PTAFR: variants seen among roughly 807,000 people sequenced by gnomAD.
The protein encoded by PTAFR is platelet activating factor receptor.
Under a neutral mutation model 14.7 loss-of-function variants are expected in PTAFR, and 8 were observed. The ratio of observed to expected loss-of-function variants is 0.54; its 90% CI spans 0.32 to 0.98. The LOEUF (loss-of-function observed/expected upper bound fraction) is 0.98, where lower values mean the gene tolerates loss of function less well. PTAFR is among the 50% of genes least tolerant of loss of function. The probability of loss-of-function intolerance (pLI) is 0.04; values close to 1 mark genes in which losing one functional copy is unlikely to be tolerated. For synonymous variants in PTAFR, 156 were observed against 176.5 expected (o/e 0.88, Z 0.92); for missense variants, 337 against 451.2 (o/e 0.75, Z 2.29).
At chr1:28,182,200 G>A (rs1646568209) in intron 1 of PTAFR, among the ~76,000 whole-genome samples, 1 of 152,012 alleles carries the variant, frequency 6.6e-6, no homozygotes, top group South Asian at 2.1e-4. Flanking sequence ...GCTTGGCATA[G>A]TGGCACATGC....
chr1:28,183,911 A>C (rs914761373), intron 1 of PTAFR, among the ~76,000 whole-genome samples: 1 of 151,876 alleles, frequency 6.6e-6, no homozygotes, highest in East Asian at 1.9e-4. Context: ...CAAAACAAAA[A>C]AAACTTTAAA....
intron 1 of PTAFR, among the ~76,000 whole-genome samples, chr1:28,154,454 A>C (rs367825247): frequency 3.3e-5 from 5 of 152,244 alleles, no homozygotes; most frequent in African/African-American, 1.2e-4. Flanking sequence ...CAGAGAACTT[A>C]CATCTCTCGG....
chr1:28,162,814 G>A (rs971143498), intron 1 of PTAFR, among the ~76,000 whole-genome samples: 2 of 136,850 alleles, frequency 1.5e-5, no homozygotes, highest in Non-Finnish European at 1.5e-5. Context: ...GGGCGACAGA[G>A]CGAGACTTTG....
At chr1:28,186,499 G>T (rs573975026) in intron 1 of PTAFR, among the ~76,000 whole-genome samples, 1 of 152,042 alleles carries the variant, frequency 6.6e-6, no homozygotes, top group Non-Finnish European at 1.5e-5. Context: ...CCTAAAATTC[G>T]AAATGAAAAA....
chr1:28,175,982 C>T (rs989857404), intron 1 of PTAFR, among the ~76,000 whole-genome samples: 3 of 152,082 alleles, frequency 2.0e-5, no homozygotes, highest in Non-Finnish European at 4.4e-5. Context: ...TCAGCACTGC[C>T]ACCATCACCA....
At chr1:28,189,419 C>T (rs1646633147) in intron 1 of PTAFR, among the ~76,000 whole-genome samples, 1 of 151,768 alleles carries the variant, frequency 6.6e-6, no homozygotes, top group African/African-American at 2.4e-5. Flanking sequence ...CGAGACCAGC[C>T]TGTTCAATAT....
At chr1:28,155,147 T>A (rs1646249184) in intron 1 of PTAFR, among the ~76,000 whole-genome samples, 1 of 152,156 alleles carries the variant, frequency 6.6e-6, no homozygotes, top group African/African-American at 2.4e-5. Flanking sequence ...CCTAGAAGCC[T>A]CCACAATACC....
At chr1:28,168,883 G>T (rs1266929044) in intron 1 of PTAFR, among the ~76,000 whole-genome samples, 1 of 151,946 alleles carries the variant, frequency 6.6e-6, no homozygotes, top group Non-Finnish European at 1.5e-5. Context: ...GACCAGGATA[G>T]TCTCGAACTC....
intron 1 of PTAFR, among the ~76,000 whole-genome samples, chr1:28,173,289 T>TA (rs1336531693): frequency 1.2e-4 from 7 of 57,618 alleles, no homozygotes; most frequent in African/African-American, 2.7e-4. Context: ...CTGTGTCTCT[T>TA]AAAAAAAAAG....
At chr1:28,151,165 C>A in intron 1 of PTAFR, 106 bp from the exon 2 acceptor site, 1 of 646,690 alleles carries the variant, frequency 1.5e-6, no homozygotes, top group Non-Finnish European at 2.6e-6. Context: ...GATGTCCCCT[C>A]AGAAGTTCAT....
chr1:28,181,060 C>A (rs1335340165), upstream of PTAFR, among the ~76,000 whole-genome samples: 1 of 152,002 alleles, frequency 6.6e-6, no homozygotes, highest in East Asian at 1.9e-4. Context: ...GTTGTCCAGG[C>A]TGATCTCAAA....
intron 1 of PTAFR, among the ~76,000 whole-genome samples, chr1:28,167,632 G>GTTTT (rs1557691575): frequency 9.2e-6 from 1 of 109,224 alleles, no homozygotes; most frequent in Non-Finnish European, 1.8e-5. Flanking sequence ...CTGAAAACGG[G>GTTTT]ATTTTTTTTT....
At chr1:28,155,263 C>T (rs1041733359) in intron 1 of PTAFR, among the ~76,000 whole-genome samples, 1 of 152,108 alleles carries the variant, frequency 6.6e-6, no homozygotes, top group Non-Finnish European at 1.5e-5. Flanking sequence ...CAGGCTGGAG[C>T]GCAGTGGTGC....
At position 28,175,540 on chromosome 1, in the gene PTAFR, G is replaced by C. The variant is rs72875098; in HGVS notation, c.-39+1052C>G. 9.6e-3 allele frequency among the ~76,000 whole-genome samples: 1,452 copies of C among 151,998 alleles called. 29 individuals are homozygous for C. The highest frequency in any genetic ancestry group is 0.032 in the African/African-American group (1,339 of 41,440). ...GAGAGCAGCCAGAGGTGTGGGGAGA[G>C]AGCCTGCTGGTTCTGTCATATTTCA... On this transcript the variant is annotated intron_variant, in intron 1 of 1. Transcript: ENST00000373857.
chr1:28,171,428 T>C (rs193015577), intron 1 of PTAFR, among the ~76,000 whole-genome samples: 55 of 152,264 alleles, frequency 3.6e-4, no homozygotes, highest in African/African-American at 1.3e-3. Flanking sequence ...AGTTACTTCC[T>C]GTTCTGACAT....
chr1:28,157,381 G>A (rs1646275834), intron 1 of PTAFR, among the ~76,000 whole-genome samples: 1 of 152,076 alleles, frequency 6.6e-6, no homozygotes, highest in Admixed American at 6.6e-5. Flanking sequence ...TAGCTAGGCT[G>A]GTCTCGAACT....
At chr1:28,174,907 G>C (rs1012343555) in intron 1 of PTAFR, among the ~76,000 whole-genome samples, 2 of 152,144 alleles carry the variant, frequency 1.3e-5, no homozygotes, top group African/African-American at 4.8e-5. Flanking sequence ...CAAACTCACA[G>C]ATCAGTGGTT....
intron 1 of PTAFR, among the ~76,000 whole-genome samples, chr1:28,160,474 AG>A (rs1205136021): frequency 6.6e-6 from 1 of 151,276 alleles, no homozygotes; most frequent in African/African-American, 2.4e-5. Flanking sequence ...AAACTGAGGA[AG>A]GAGGATGGGT....
chr1:28,150,673 G>T lies in PTAFR; in HGVS notation c.349C>A (p.Gln117Lys). ...FLGVITYNRF[Q>K]AVTRPIKTAQ... is the part of the protein sequence containing the mutation. ...GTCTTGATGGGCCGAGTTACTGCCT[G>T]GAAGCGGTTATAAGTGATGACGCCC... Residue 117 changes from glutamine to lysine, a missense_variant, in exon 2 of 2, where the codon CAG becomes AAG. Coordinates refer to ENST00000373857, the MANE Select transcript of PTAFR (RefSeq NM_000952.5). The surrounding 1 kb of genome is among the most constrained non-coding windows in gnomAD (Gnocchi z 6.3). The T allele has an allele frequency of 1.2e-6, 2 of 1,614,142 alleles. No individual in the cohort carries two copies. The highest frequency in any genetic ancestry group is 2.2e-5 in the South Asian group (2 of 91,074).
Sources: allele counts gnomAD v4.1 joint callset (sites outside exome capture counted in the v4.1 genomes callset), GRCh38; gene constraint gnomAD v4.1.1; non-coding constraint Gnocchi (gnomAD v3.1); transcripts MANE v1.5; gene names NCBI Gene and HGNC (gene_info 2026-07-23, HGNC 2026-07-21).